SLC9A1: variants seen among roughly 807,000 people sequenced by gnomAD.
The protein encoded by SLC9A1 is solute carrier family 9 member A1.
SLC9A1 carries 22 observed loss-of-function variants against 67.9 expected under a neutral mutation model. The ratio of observed to expected loss-of-function variants is 0.32; its 90% CI spans 0.23 to 0.46. The LOEUF (loss-of-function observed/expected upper bound fraction) is 0.46, where lower values mean the gene tolerates loss of function less well. SLC9A1 is among the 20% of genes least tolerant of loss of function. The probability of loss-of-function intolerance (pLI) is 1.00; values close to 1 mark genes in which losing one functional copy is unlikely to be tolerated. For missense variants in SLC9A1, 686 were observed against 1,094.8 expected, an observed-to-expected ratio of 0.63 and a Z score of 5.27; for synonymous variants, 421 against 471.8, an observed-to-expected ratio of 0.89 and a Z score of 1.40.
chr1:27,113,698 T>C (rs1251575478), intron 2 of SLC9A1, 128 bp downstream of exon 2: 13 of 731,470 alleles, frequency 1.8e-5, no homozygotes, highest in African/African-American at 3.5e-5. Flanking sequence ...GTGCCTGGCA[T>C]ACGGGAAGCG....
At position 27,154,205 on chromosome 1, in the gene SLC9A1, T is replaced by C; in HGVS notation, c.130A>G (p.Ser44Gly). 1 of 1,614,088 alleles carries C rather than the reference T, an allele frequency of 6.2e-7. No individual in the cohort carries two copies. Among genetic ancestry groups the C allele is most frequent in the Non-Finnish European group, 8.5e-7 (1 of 1,180,002 alleles). Residue 44 changes from serine to glycine, a missense_variant, in exon 1 of 12, where the codon AGC becomes GGC. Physicochemically the swap from Ser to Gly is moderately conservative, Grantham distance 56. Around this residue, in one of 7 missense-constraint regions of SLC9A1, gnomAD observed 143 missense variants for 166.7 expected, o/e 0.86. Coordinates refer to ENST00000263980, the MANE Select transcript of SLC9A1 (RefSeq NM_003047.5). ...SHGLQLSPTA[S>G]TIRSSEPPRE... is the part of the protein sequence containing the mutation. ...GGTGGCTCTGAGCTTCGAATGGTGC[T>C]GGCAGTTGGGCTGAGCTGGAGGCCA...
In SLC9A1 at chr1:27,101,890, G is replaced by A; in HGVS notation, c.1936-64C>T. ...AAGGCTCTGCTCATGGAGGGGTGGG[G>A]GCAGTGCTGGAGGCCGGGCCAGTCC... On this transcript the variant is annotated intron_variant, in intron 9 of 11. Coordinates refer to ENST00000263980, the MANE Select transcript of SLC9A1 (RefSeq NM_003047.5). The surrounding 1 kb of genome is among the most constrained non-coding windows in gnomAD (Gnocchi z 4.9). 1 of 1,460,094 alleles carries A rather than the reference G, an allele frequency of 6.8e-7. No individual in the cohort carries two copies. The highest frequency in any genetic ancestry group is 9.6e-7 in the Non-Finnish European group (1 of 1,044,626). The allele number at this position is 1,460,094 out of a possible 1,614,324, so 90.4% of individuals were successfully genotyped here. A position where few individuals can be genotyped will look rare whatever the true frequency, so the allele number is the denominator to read the frequency against.
At position 27,123,322 on chromosome 1, in the gene SLC9A1, A is replaced by G. The variant is rs113231653; in HGVS notation, c.353-9036T>C. ...CGAATTTCTGTTAAGTTTGGTATAT[A>G]TTCTTGAAGACTTTTCTGTATCTAT... On this transcript the variant is annotated intron_variant, in intron 1 of 11. Coordinates refer to ENST00000263980, the MANE Select transcript of SLC9A1 (RefSeq NM_003047.5). Among the ~76,000 whole-genome samples, 72 of 152,164 alleles carry G rather than the reference A, an allele frequency of 4.7e-4. 2 individuals are homozygous for G. Among genetic ancestry groups the G allele is most frequent in the African/African-American group, 1.6e-3 (68 of 41,512 alleles).
intron 1 of SLC9A1, among the ~76,000 whole-genome samples, chr1:27,135,883 G>A (rs1212517882): frequency 6.6e-6 from 1 of 152,254 alleles, no homozygotes; most frequent in Non-Finnish European, 1.5e-5. Context: ...TTCAGATGAA[G>A]TTCAAGAACA....
Position 27,100,758 on chromosome 1 carries a change from G to GGTCC in SLC9A1, c.2111-118_2111-115dup. On this transcript the variant is annotated intron_variant, in intron 11 of 11. Coordinates refer to ENST00000263980, the MANE Select transcript of SLC9A1 (RefSeq NM_003047.5). The surrounding 1 kb of genome is among the most constrained non-coding windows in gnomAD (Gnocchi z 5.6). ...GCCTTCTCATGAGCACAGCCGTCCC[G>GGTCC]GTCCCAACAGGCCTCAGAAGCAGGC... is the stretch of plus-strand genomic sequence containing the variant. The GGTCC allele has an allele frequency of 1.2e-6, 1 of 806,440 alleles. No individual in the cohort carries two copies. 50.0% of individuals were successfully genotyped at this position (806,440 alleles called of 1,614,324 possible). A position where few individuals can be genotyped will look rare whatever the true frequency, so the allele number is the denominator to read the frequency against.
chr1:27,137,864 C>T lies in SLC9A1; in HGVS notation c.352+16119G>A, dbSNP rs1190628226. On this transcript the variant is annotated intron_variant, in intron 1 of 11. Coordinates refer to ENST00000263980, the MANE Select transcript of SLC9A1 (RefSeq NM_003047.5). The surrounding 1 kb of genome is among the most constrained non-coding windows in gnomAD (Gnocchi z 4.6). Reference sequence around the variant, plus strand: ...TCCCCAATGTGCCCCTGACTCCACGCCCACTCTGCTCCAGCGTCCTGCTCG... The same window carrying T: ...TCCCCAATGTGCCCCTGACTCCACGTCCACTCTGCTCCAGCGTCCTGCTCG... 3.3e-5 allele frequency among the ~76,000 whole-genome samples: 5 copies of T among 152,328 alleles called. No individual in the cohort carries two copies. The highest frequency in any genetic ancestry group is 1.2e-4 in the African/African-American group (5 of 41,558).
Position 27,102,527 on chromosome 1 carries a change from T to G in SLC9A1, c.1678A>C (p.Lys560Gln). The G allele has an allele frequency of 6.2e-7, 1 of 1,608,426 alleles. No homozygotes were observed. The highest frequency in any genetic ancestry group is 8.5e-7 in the Non-Finnish European group (1 of 1,175,596). The change falls in exon 8 of 12, where the codon AAG (lysine) becomes CAG (glutamine). Residue 560 changes from lysine to glutamine, a missense_variant. Lys to Gln is a moderately conservative substitution (Grantham distance 53). This residue lies in a region of SLC9A1 where 168 missense variants were observed against 375.4 expected (regional missense o/e 0.45). Coordinates refer to ENST00000263980, the MANE Select transcript of SLC9A1 (RefSeq NM_003047.5). ...LNRFNKKYVKKCLIAGERSKE... is the reference protein window; with the variant it reads ...LNRFNKKYVKQCLIAGERSKE... ...GAGCGCTCGCCAGCTATCAGACACT[T>G]CTTCACATATTTCTTATTAAACCGG...
chr1:27,123,755 C>T (rs1476949675), intron 1 of SLC9A1, among the ~76,000 whole-genome samples: 2 of 152,134 alleles, frequency 1.3e-5, no homozygotes, highest in Non-Finnish European at 2.9e-5. Flanking sequence ...AGCTGATCCA[C>T]CTGCCTTGGC....
chr1:27,104,415 ACT>A lies in SLC9A1; in HGVS notation c.1486-1105_1486-1104del, dbSNP rs1206945339. Among the ~76,000 whole-genome samples the A allele has an allele frequency of 2.7e-5, 4 of 150,896 alleles. No individual in the cohort carries two copies. The East Asian group carries it at 7.8e-4, about 29-fold the overall frequency. On this transcript the variant is annotated intron_variant, in intron 5 of 11. Transcript: ENST00000263980. ...TTTTCTTAACTCGAGAGAGAGTCTCACTCTGTCACACAGGCTGGAGGAGTCAC... is the reference window on the plus strand; with the variant it reads ...TTTTCTTAACTCGAGAGAGAGTCTCACTGTCACACAGGCTGGAGGAGTCAC...
chr1:27,103,400 A>C, intron 5 of SLC9A1, 88 bp from the exon 6 acceptor site: 1 of 910,212 alleles, frequency 1.1e-6, no homozygotes, highest in South Asian at 1.3e-5. Flanking sequence ...CAGGCCCCCA[A>C]GGCTAGGATG....
chr1:27,113,993 CG>C lies in SLC9A1; in HGVS notation c.645del (p.Gly216ValfsTer81). ...AGGCCGATGTTGTTGATCTGCTCAC[CG>C]CCCACCAGGCACACGGCGTACATGA... is the stretch of plus-strand genomic sequence containing the variant. Reference protein sequence around the residue: ...GGLMYAVCLVGGEQINNIGLL... With the variant: ...GGLMYAVCLVXGEQINNIGLL... On this transcript the variant is annotated frameshift_variant, in exon 2 of 12. Coordinates refer to ENST00000263980, the MANE Select transcript of SLC9A1 (RefSeq NM_003047.5). LOFTEE classifies it high-confidence loss of function. 2 of 1,614,180 alleles carry C rather than the reference CG, an allele frequency of 1.2e-6. No individual in the cohort carries two copies. The highest frequency in any genetic ancestry group is 2.2e-5 in the South Asian group (2 of 91,082).
At chr1:27,119,865 T>G (rs989171574) in intron 1 of SLC9A1, among the ~76,000 whole-genome samples, 1 of 152,174 alleles carries the variant, frequency 6.6e-6, no homozygotes, top group African/African-American at 2.4e-5. Context: ...GCGGTAGGTT[T>G]TTCTTTCCAT....
intron 1 of SLC9A1, among the ~76,000 whole-genome samples, chr1:27,136,000 A>G (rs1183737896): frequency 6.6e-6 from 1 of 152,252 alleles, no homozygotes; most frequent in Non-Finnish European, 1.5e-5. Flanking sequence ...TATAGCAGGC[A>G]GGTAGTAGAG....
At chr1:27,136,629 G>A (rs1317950017) in intron 1 of SLC9A1, among the ~76,000 whole-genome samples, 3 of 152,054 alleles carry the variant, frequency 2.0e-5, no homozygotes, top group Non-Finnish European at 4.4e-5. Flanking sequence ...TCTGAAGGGA[G>A]CCACCACCTG....
Position 27,154,434 on chromosome 1 carries a change from G to T in SLC9A1, c.-100C>A. 1.4e-6 allele frequency: 1 copy of T among 692,674 alleles called. No individual in the cohort carries two copies. Among genetic ancestry groups the T allele is most frequent in the Non-Finnish European group, 2.3e-6 (1 of 430,058 alleles). 42.9% of individuals were successfully genotyped at this position (692,674 alleles called of 1,614,324 possible). A position where few individuals can be genotyped will look rare whatever the true frequency, so the allele number is the denominator to read the frequency against. On this transcript the variant is annotated 5_prime_UTR_variant, in exon 1 of 12. Coordinates refer to ENST00000263980, the MANE Select transcript of SLC9A1 (RefSeq NM_003047.5). ...GCAAGTGGGAAGAGAGACTGGCGTA[G>T]TCTCTAGGAAAAGTTCATGTTTTAG...
chr1:27,107,524 C>CACCA, intron 4 of SLC9A1, 124 bp downstream of exon 4: 1 of 730,102 alleles, frequency 1.4e-6, no homozygotes, highest in Non-Finnish European at 2.3e-6. Flanking sequence ...CACATGCACA[C>CACCA]ACCACATAGC....
chr1:27,110,014 G>A (rs1443183227), intron 2 of SLC9A1, among the ~76,000 whole-genome samples: 6 of 152,218 alleles, frequency 3.9e-5, no homozygotes, highest in Admixed American at 3.3e-4. Flanking sequence ...GGGAAGCTCT[G>A]TGAAGACCCT....
chr1:27,112,658 C>A (rs879560311), intron 2 of SLC9A1, among the ~76,000 whole-genome samples: 1 of 151,794 alleles, frequency 6.6e-6, no homozygotes, highest in Admixed American at 6.6e-5. Flanking sequence ...CTGAGGTGGG[C>A]GGATCACCTG....
chr1:27,109,807 GA>G lies in SLC9A1; in HGVS notation c.814-31del. 6.2e-7 allele frequency: 1 copy of G among 1,611,672 alleles called. No homozygotes were observed. The highest frequency in any genetic ancestry group is 8.5e-7 in the Non-Finnish European group (1 of 1,179,076). ...GGAGGGTGTGCAGGCTGGTGGGTGG[GA>G]GGAGAGGGCCCTGGCCCCACGGTTC... is the stretch of plus-strand genomic sequence containing the variant. On this transcript the variant is annotated intron_variant, in intron 2 of 11. Transcript: ENST00000263980. This position sits in a 1 kb window ranked among gnomAD's most constrained non-coding sequence, Gnocchi z 5.5.
Sources: gnomAD v4.1 joint callset for allele counts (sites outside exome capture counted in the v4.1 genomes callset) on GRCh38, gnomAD v4.1.1 for gene constraint, gnomAD v4.1.1 regional missense constraint, Gnocchi (gnomAD v3.1) non-coding constraint, MANE v1.5 for transcripts, NCBI Gene and HGNC (gene_info 2026-07-23, HGNC 2026-07-21) for gene names.